RFX3: variants seen among roughly 807,000 people sequenced by gnomAD.
The protein encoded by RFX3 is transcription factor RFX3.
RFX3 carries 14 observed loss-of-function variants against 98.6 expected under a neutral mutation model. That is an observed-to-expected ratio of 0.14 (90% CI 0.09 to 0.22). The LOEUF is 0.22. Among genes scored for constraint, RFX3 ranks in the 10% least tolerant of loss-of-function variants. The pLI, the probability that RFX3 is intolerant of heterozygous loss-of-function variation, is 1.00. For missense variants in RFX3, 639 were observed against 926.9 expected (o/e 0.69, Z 4.03); for synonymous variants, 383 against 328.4 (o/e 1.17, Z -1.80).
chr9:3,321,881 T>C (rs1279595558), intron 4 of RFX3, among the ~76,000 whole-genome samples: 1 of 152,146 alleles, frequency 6.6e-6, no homozygotes, highest in Non-Finnish European at 1.5e-5. Context: ...AAATATCATT[T>C]ACTGATAATC....
At position 3,247,569 on chromosome 9, in the gene RFX3, CA is replaced by C; in HGVS notation, c.1968+462del. ...CTGTGCCTCGCACATAGTAAGTGTC[CA>C]AAAAATGTTAGTTATCATCATTACC... On this transcript the variant is annotated intron_variant, in intron 15 of 16. Transcript: ENST00000617270. 9 of 1,197,058 alleles carry C rather than the reference CA, an allele frequency of 7.5e-6. No homozygotes were observed. In the South Asian group the frequency reaches 1.3e-4, roughly 18 times the overall value. The allele number at this position is 1,197,058 out of a possible 1,614,324, so 74.2% of individuals were successfully genotyped here.
intron 2 of RFX3, among the ~76,000 whole-genome samples, chr9:3,370,998 C>T (rs1484901544): frequency 6.6e-6 from 1 of 151,968 alleles, no homozygotes; most frequent in Non-Finnish European, 1.5e-5. Context: ...ACTGTTGTAA[C>T]ATAAGATGAA....
chr9:3,504,330 ATATAT>A (rs1287179504), intron 1 of RFX3, among the ~76,000 whole-genome samples: 1 of 118,012 alleles, frequency 8.5e-6, no homozygotes, highest in Non-Finnish European at 1.6e-5. Flanking sequence ...TATATAAAAT[ATATAT>A]TATATGCCAC....
At chr9:3,460,704 C>T (rs1270880321) in intron 1 of RFX3, among the ~76,000 whole-genome samples, 2 of 151,790 alleles carry the variant, frequency 1.3e-5, no homozygotes, top group Admixed American at 6.6e-5. Context: ...TAATCCCAAC[C>T]CAACCCCACC....
At chr9:3,483,512 C>A (rs920126339) in intron 1 of RFX3, among the ~76,000 whole-genome samples, 4 of 152,170 alleles carry the variant, frequency 2.6e-5, no homozygotes, top group African/African-American at 9.7e-5. Flanking sequence ...GAAGTGACAA[C>A]AGAGAAACCA....
intron 1 of RFX3, among the ~76,000 whole-genome samples, chr9:3,422,015 AT>A (rs1843486139): frequency 6.6e-6 from 1 of 151,778 alleles, no homozygotes; most frequent in Non-Finnish European, 1.5e-5. Flanking sequence ...AAAAAAAAAA[AT>A]CTAAGGAGGC....
intron 1 of RFX3, among the ~76,000 whole-genome samples, chr9:3,409,722 A>T (rs1372483835): frequency 6.6e-6 from 1 of 152,256 alleles, no homozygotes; most frequent in Non-Finnish European, 1.5e-5. Flanking sequence ...CAGTGAATTG[A>T]TCACCCAGTA....
chr9:3,406,568 A>T (rs548155076), intron 1 of RFX3, among the ~76,000 whole-genome samples: 101 of 152,238 alleles, frequency 6.6e-4, no homozygotes, highest in African/African-American at 2.3e-3. Flanking sequence ...TTTCACTTAC[A>T]TATGTAGCCA....
chr9:3,331,115 C>G (rs1832555569), intron 3 of RFX3, among the ~76,000 whole-genome samples: 1 of 152,200 alleles, frequency 6.6e-6, no homozygotes, highest in Non-Finnish European at 1.5e-5. Context: ...GATGACTATT[C>G]TAACTCTTCA....
At chr9:3,462,382 T>A (rs1847776673) in intron 1 of RFX3, among the ~76,000 whole-genome samples, 1 of 151,984 alleles carries the variant, frequency 6.6e-6, no homozygotes, top group Non-Finnish European at 1.5e-5. Context: ...AACTGGCAAT[T>A]GAAGAGAATT....
At chr9:3,285,681 C>A (rs376302588) in intron 7 of RFX3, among the ~76,000 whole-genome samples, 17 of 151,614 alleles carry the variant, frequency 1.1e-4, no homozygotes, top group African/African-American at 3.4e-4. Context: ...AAACTTGTAT[C>A]ATTAAAAAAA....
At chr9:3,245,868 C>T (rs930169630) in intron 15 of RFX3, among the ~76,000 whole-genome samples, 3 of 152,068 alleles carry the variant, frequency 2.0e-5, no homozygotes, top group African/African-American at 4.8e-5. Context: ...ACAGGCACGT[C>T]TGGATTTGGT....
intron 4 of RFX3, among the ~76,000 whole-genome samples, chr9:3,321,783 TATCCAAGTGAAATTAATTTTG>T (rs2130755541): frequency 6.6e-6 from 1 of 152,262 alleles, no homozygotes; most frequent in East Asian, 1.9e-4. Context: ...CACACTTTTC[TATCCAAGTGAAATTAATTTTG>T]ATATAAAGAC....
chr9:3,254,172 CAAGT>C (rs1327974397), intron 14 of RFX3, among the ~76,000 whole-genome samples: 11 of 151,428 alleles, frequency 7.3e-5, no homozygotes, highest in African/African-American at 2.4e-5. Flanking sequence ...ACAAGAAATA[CAAGT>C]AAGTAATTTT....
chr9:3,374,623 T>C (rs1320707588), intron 2 of RFX3, among the ~76,000 whole-genome samples: 1 of 152,054 alleles, frequency 6.6e-6, no homozygotes, highest in African/African-American at 2.4e-5. Flanking sequence ...AAAAGACAAA[T>C]ACAGTATGAT....
chr9:3,235,624 C>G (rs926064105), intron 15 of RFX3, among the ~76,000 whole-genome samples: 1 of 152,026 alleles, frequency 6.6e-6, no homozygotes, highest in African/African-American at 2.4e-5. Context: ...TTTTTTTTAC[C>G]TCTTTTTCAG....
intron 1 of RFX3, among the ~76,000 whole-genome samples, chr9:3,485,999 C>T (rs1305259821): frequency 1.3e-5 from 2 of 151,762 alleles, no homozygotes; most frequent in Non-Finnish European, 2.9e-5. Context: ...TGGCGCATTG[C>T]CTGTAATCCC....
chr9:3,402,998 A>C (rs148476553), intron 1 of RFX3, among the ~76,000 whole-genome samples: 6 of 152,174 alleles, frequency 3.9e-5, no homozygotes, highest in African/African-American at 1.4e-4. Flanking sequence ...TTATTAATGC[A>C]TATATATGTT....
intron 2 of RFX3, among the ~76,000 whole-genome samples, chr9:3,394,021 C>T (rs149115900): frequency 6.6e-6 from 1 of 152,034 alleles, no homozygotes; most frequent in Non-Finnish European, 1.5e-5. Context: ...ATAAAAGGAA[C>T]ATAAGCAATA....
Sources: allele counts gnomAD v4.1 joint callset (sites outside exome capture counted in the v4.1 genomes callset), GRCh38; gene constraint gnomAD v4.1.1; transcripts MANE v1.5; gene names NCBI Gene and HGNC (gene_info 2026-07-23, HGNC 2026-07-21).